The following OGFOD1 variants were observed in gnomAD, a reference collection of about 807,000 sequenced individuals.
OGFOD1 encodes the protein 2-oxoglutarate and iron dependent oxygenase domain containing 1.
In OGFOD1, 54 loss-of-function variants were observed where a neutral mutation model predicts 67.7. The ratio of observed to expected loss-of-function variants is 0.80; its 90% CI spans 0.64 to 1.00. OGFOD1 has a LOEUF of 1.00. Among genes scored for constraint, OGFOD1 ranks in the 50% least tolerant of loss-of-function variants. OGFOD1 has a pLI of 0.00. For missense variants in OGFOD1, 606 were observed against 646.7 expected, an observed-to-expected ratio of 0.94 and a Z score of 0.68; for synonymous variants, 221 against 227.0, an observed-to-expected ratio of 0.97 and a Z score of 0.24.
intron 10 of OGFOD1, among the ~76,000 whole-genome samples, chr16:56,474,362 C>T (rs1430920066): frequency 1.4e-5 from 2 of 147,580 alleles, no homozygotes; most frequent in Non-Finnish European, 3.0e-5. Flanking sequence ...CTCTTGTTGC[C>T]CAGGCTGGAG....
At chr16:56,470,415 G>C in intron 9 of OGFOD1, 72 bp from the exon 10 acceptor site, 1 of 1,337,804 alleles carries the variant, frequency 7.5e-7, no homozygotes, top group South Asian at 1.4e-5. Flanking sequence ...CAAAGCTAAC[G>C]ATCAGCTTTT....
chr16:56,455,169 C>A (rs1194062401), intron 2 of OGFOD1, among the ~76,000 whole-genome samples: 1 of 152,114 alleles, frequency 6.6e-6, no homozygotes, highest in Admixed American at 6.5e-5. Context: ...AGATGGAGAC[C>A]ATCCTGGCTA....
In OGFOD1 at chr16:56,467,092, C is replaced by T. The variant is rs1962934325; in HGVS notation, c.658-73C>T. The T allele has an allele frequency of 3.1e-6, 5 of 1,600,012 alleles. No homozygotes were observed. In the Admixed American group the frequency reaches 6.7e-5, roughly 21 times the overall value. The stretch of plus-strand genomic sequence containing the variant: ...TGTTTTAATGCTTAGCATGGAGGAC[C>T]CTGAAATTAATGTGCATTGGCGGTA... On this transcript the variant is annotated intron_variant, in intron 6 of 12. Coordinates refer to ENST00000566157, the MANE Select transcript of OGFOD1 (RefSeq NM_018233.4).
chr16:56,461,341 T>A (rs1053911430), intron 3 of OGFOD1, among the ~76,000 whole-genome samples: 1 of 152,172 alleles, frequency 6.6e-6, no homozygotes, highest in African/African-American at 2.4e-5. Flanking sequence ...CCCATGGAAG[T>A]GCTGGGAGGG....
At position 56,475,556 on chromosome 16, in the gene OGFOD1, A is replaced by C. The variant is rs1963429805; in HGVS notation, c.1458A>C (p.Glu486Asp). 1 of 1,613,828 alleles carries C rather than the reference A, an allele frequency of 6.2e-7. No homozygotes were observed. The highest frequency in any genetic ancestry group is 1.1e-5 in the South Asian group (1 of 91,072). The change falls in exon 12 of 13, where the codon GAA becomes GAC. Residue 486 changes from glutamate (E) to aspartate (D), a missense_variant. By Grantham distance (45) the Glu-to-Asp change is conservative (BLOSUM62 2). Transcript: ENST00000566157. ...GGFTSYIAKG[E>D]DEELLTVNPE... ...TTACTTCTTACATTGCCAAAGGTGA[A>C]GATGAAGAGGTAAGTTTCTTCTGAT... is the stretch of plus-strand genomic sequence containing the variant.
At chr16:56,473,602 A>G (rs1298474533) in intron 10 of OGFOD1, among the ~76,000 whole-genome samples, 1 of 152,134 alleles carries the variant, frequency 6.6e-6, no homozygotes, top group Non-Finnish European at 1.5e-5. Flanking sequence ...GCAAACTGTT[A>G]TATTTTCTTT....
intron 1 of OGFOD1, among the ~76,000 whole-genome samples, chr16:56,452,528 C>A (rs572494478): frequency 1.1e-4 from 16 of 152,308 alleles, no homozygotes; most frequent in Admixed American, 9.1e-4. Flanking sequence ...TTTTTCTTTC[C>A]GTTGTCAAGT....
intron 5 of OGFOD1, 62 bp downstream of exon 5, chr16:56,466,330 T>A (rs117487490): frequency 9.9e-7 from 1 of 1,012,258 alleles, no homozygotes; most frequent in Non-Finnish European, 1.6e-6. Context: ...AAAGCTGAGT[T>A]GATTCAGTAT....
intron 5 of OGFOD1, 110 bp from the exon 6 acceptor site, chr16:56,466,758 TTCAGGGTC>T: frequency 1.3e-6 from 1 of 740,832 alleles, no homozygotes; most frequent in Non-Finnish European, 2.4e-6. Flanking sequence ...AGGGCGGTAT[TTCAGGGTC>T]TGAAGGGCAC....
At chr16:56,475,994 T>C (rs765768904) in intron 12 of OGFOD1, 50 bp from the exon 13 acceptor site, 1 of 1,513,626 alleles carries the variant, frequency 6.6e-7, no homozygotes, top group African/African-American at 1.4e-5. Flanking sequence ...CATCCAAGAT[T>C]TGAGAATAAG....
At chr16:56,457,828 C>T (rs1031344597) in intron 2 of OGFOD1, among the ~76,000 whole-genome samples, 2 of 152,102 alleles carry the variant, frequency 1.3e-5, no homozygotes, top group Admixed American at 1.3e-4. Context: ...TGCAGGCATG[C>T]ACCACCACGC....
chr16:56,463,541 G>A (rs1420388902), intron 4 of OGFOD1, among the ~76,000 whole-genome samples: 2 of 151,622 alleles, frequency 1.3e-5, no homozygotes, highest in African/African-American at 4.8e-5. Context: ...TCCTGCCTCA[G>A]CCTCCTGAGT....
intron 2 of OGFOD1, 160 bp downstream of exon 2, chr16:56,453,568 A>C: frequency 1.6e-6 from 1 of 628,016 alleles, no homozygotes; most frequent in South Asian, 2.2e-5. Flanking sequence ...AAGCTTACTG[A>C]GTGTTAACTA....
intron 8 of OGFOD1, among the ~76,000 whole-genome samples, chr16:56,468,462 C>G (rs1322046146): frequency 6.6e-6 from 1 of 152,188 alleles, no homozygotes; most frequent in African/African-American, 2.4e-5. Flanking sequence ...TGGCTCATGC[C>G]TGTAATCCCA....
intron 3 of OGFOD1, among the ~76,000 whole-genome samples, chr16:56,459,144 C>G (rs1204346916): frequency 1.3e-5 from 2 of 152,044 alleles, no homozygotes; most frequent in African/African-American, 4.8e-5. Flanking sequence ...AGTTCAAGAC[C>G]AGCCTGACCA....
intron 3 of OGFOD1, 33 bp downstream of exon 3, chr16:56,458,627 T>C (rs529387718): frequency 3.1e-5 from 49 of 1,558,898 alleles, no homozygotes; most frequent in Admixed American, 1.8e-4. Flanking sequence ...TGGGTGCTAA[T>C]ATGTGCCAGG....
chr16:56,474,477 C>T (rs1020827306), intron 10 of OGFOD1, among the ~76,000 whole-genome samples: 6 of 151,976 alleles, frequency 3.9e-5, no homozygotes, highest in Non-Finnish European at 7.4e-5. Flanking sequence ...TGCACTACCA[C>T]GCCTGGCTAA....
intron 10 of OGFOD1, among the ~76,000 whole-genome samples, chr16:56,474,511 G>C (rs781565267): frequency 7.9e-5 from 12 of 151,446 alleles, no homozygotes; most frequent in Non-Finnish European, 1.5e-4. Context: ...GTAGAGATGG[G>C]GTTTCTCCAT....
chr16:56,471,404 G>A (rs1305912587), intron 10 of OGFOD1, among the ~76,000 whole-genome samples: 1 of 151,836 alleles, frequency 6.6e-6, no homozygotes, highest in Non-Finnish European at 1.5e-5. Context: ...AGCCTCTTAG[G>A]CGAATAGATG....
Sources: gnomAD v4.1 joint callset for allele counts (sites outside exome capture counted in the v4.1 genomes callset) on GRCh38, gnomAD v4.1.1 for gene constraint, MANE v1.5 for transcripts, NCBI Gene and HGNC (gene_info 2026-07-23, HGNC 2026-07-21) for gene names.